Variants in USP39 observed in about 807,000 individuals in gnomAD.
The protein encoded by USP39 is ubiquitin specific peptidase 39.
A neutral mutation model predicts 66.4 loss-of-function variants in USP39; 38 were observed. The observed-to-expected ratio is 0.57, with a 90% CI of 0.44 to 0.75. The LOEUF (loss-of-function observed/expected upper bound fraction) is 0.75, where lower values mean the gene tolerates loss of function less well. Among genes scored for constraint, USP39 ranks in the 30% least tolerant of loss-of-function variants. The pLI is 0.00. For missense variants in USP39, 608 were observed against 714.4 expected (o/e 0.85, Z 1.70); for synonymous variants, 303 against 274.6 (o/e 1.10, Z -1.02).
At chr2:85,616,123 C>T (rs1225940050), upstream of USP39, 4 of 1,388,982 alleles carry the variant, frequency 2.9e-6, no homozygotes, top group African/African-American at 1.5e-5. Flanking sequence ...ACCAGCCCCT[C>T]TCCTGATTGG....
chr2:85,611,820 G>C (rs200797297), upstream of USP39: 138 of 1,607,756 alleles, frequency 8.6e-5, no homozygotes, highest in Non-Finnish European at 1.1e-4. Flanking sequence ...AGGGACTGTC[G>C]GGCCGGGCCA....
At chr2:85,607,732 C>T (rs2104138593), upstream of USP39, 1 of 152,328 alleles carries the variant, frequency 6.6e-6, no homozygotes, top group South Asian at 2.1e-4. Context: ...TCTCAGTTCT[C>T]AAAGGCTTAA....
upstream of USP39, chr2:85,616,166 C>G: frequency 7.2e-7 from 1 of 1,393,868 alleles, no homozygotes; most frequent in Non-Finnish European, 9.4e-7. Flanking sequence ...TGCTTGGCGC[C>G]TGCGCTGGAC....
intron 4 of USP39, 60 bp downstream of exon 4, chr2:85,623,842 C>T (rs945848144): frequency 2.6e-5 from 40 of 1,523,796 alleles, no homozygotes; most frequent in Non-Finnish European, 3.4e-5. Flanking sequence ...CCAGGGCTCC[C>T]AGGGGACTGC....
In USP39 at chr2:85,641,471, A is replaced by G. The variant is rs931514291; in HGVS notation, c.1427+353A>G. On this transcript the variant is annotated intron_variant, in intron 10 of 12. Coordinates refer to ENST00000323701, the MANE Select transcript of USP39 (RefSeq NM_006590.4). ...GGGTCTGCCCATCTATTTGCTGGCC[A>G]TCACACCTTTTTGCACACTAGAGTT... is the stretch of plus-strand genomic sequence containing the variant. Among the ~76,000 whole-genome samples, 35 of 152,344 alleles carry G rather than the reference A, an allele frequency of 2.3e-4. 1 individual carries two copies. The highest frequency in any genetic ancestry group is 2.9e-4 in the Non-Finnish European group (20 of 68,036).
At chr2:85,625,900 C>T (rs889770033) in intron 5 of USP39, among the ~76,000 whole-genome samples, 5 of 151,926 alleles carry the variant, frequency 3.3e-5, no homozygotes, top group Non-Finnish European at 7.4e-5. Context: ...AGCCTGTAGT[C>T]CCAGCTATTT....
rs116803155 is a variant in USP39, at chr2:85,645,100, C to T, written c.1563+17C>T. ...CTTCATCATGTGAGTGGCTGCTGAC[C>T]GTCTCATGGCACAGAGTGGCAAAAA... On this transcript the variant is annotated intron_variant, in intron 11 of 12. Transcript: ENST00000323701. 3.0e-3 allele frequency: 4,853 copies of T among 1,613,824 alleles called. 125 individuals are homozygous for T. The African/African-American group carries it at 0.058, about 19-fold the overall frequency.
upstream of USP39, among the ~76,000 whole-genome samples, chr2:85,614,813 C>G (rs1673801539): frequency 6.6e-6 from 1 of 152,212 alleles, no homozygotes; most frequent in Non-Finnish European, 1.5e-5. Flanking sequence ...CATTATCTCT[C>G]TGTTCCCTTA....
upstream of USP39, chr2:85,609,495 C>G (rs1011715520): frequency 1.2e-6 from 2 of 1,614,074 alleles, no homozygotes; most frequent in Non-Finnish European, 1.7e-6. Context: ...AGCAGAAGAG[C>G]TGATGGCCAG....
rs541495305 is a variant in USP39, at chr2:85,631,790, C to T, written c.949+844C>T. On this transcript the variant is annotated intron_variant, in intron 6 of 12. Coordinates refer to ENST00000323701, the MANE Select transcript of USP39 (RefSeq NM_006590.4). ...TTGAGACCGAGTCTTGCTTCATTGC[C>T]CAGGCTGGAGTGCAGTGGTGTGATC... Among the ~76,000 whole-genome samples the T allele has an allele frequency of 5.9e-5, 9 of 152,040 alleles. No homozygotes were observed. The South Asian group carries it at 1.7e-3, about 28-fold the overall frequency.
chr2:85,626,251 C>T (rs1674851868), intron 5 of USP39, among the ~76,000 whole-genome samples: 1 of 151,716 alleles, frequency 6.6e-6, no homozygotes, highest in South Asian at 2.1e-4. Flanking sequence ...CTCAGCTATT[C>T]GGGAGGCTGA....
At chr2:85,628,564 A>G (rs1397885951) in intron 5 of USP39, among the ~76,000 whole-genome samples, 1 of 152,188 alleles carries the variant, frequency 6.6e-6, no homozygotes, top group East Asian at 1.9e-4. Context: ...TAAATGGATT[A>G]ACAAACCCTG....
At chr2:85,624,343 C>T (rs1021583601) in intron 4 of USP39, among the ~76,000 whole-genome samples, 1 of 151,582 alleles carries the variant, frequency 6.6e-6, no homozygotes, top group African/African-American at 2.4e-5. Context: ...GTGCTCTGTT[C>T]TTGTTTTTGG....
chr2:85,627,126 G>A (rs1674931812), intron 5 of USP39, among the ~76,000 whole-genome samples: 1 of 149,266 alleles, frequency 6.7e-6, no homozygotes, highest in South Asian at 2.1e-4. Context: ...TTTTTTAGAG[G>A]GAGTCTGTCA....
At position 85,648,751 on chromosome 2, in the gene USP39, T is replaced by C; in HGVS notation, c.1651-10T>C. On this transcript the variant is annotated splice_polypyrimidine_tract_variant and intron_variant, in intron 12 of 12. Coordinates refer to ENST00000323701, the MANE Select transcript of USP39 (RefSeq NM_006590.4). ...TCCTAGACTTCAGTTTGTGTTTTCATTTCTTACAGATTTGGAAGAGGCGAG... is the reference window on the plus strand; with the variant it reads ...TCCTAGACTTCAGTTTGTGTTTTCACTTCTTACAGATTTGGAAGAGGCGAG... 2 of 1,614,058 alleles carry C rather than the reference T, an allele frequency of 1.2e-6. No individual in the cohort carries two copies. Among genetic ancestry groups the C allele is most frequent in the Non-Finnish European group, 1.7e-6 (2 of 1,179,916 alleles).
At chr2:85,617,709 C>T (rs1323254589) in intron 1 of USP39, among the ~76,000 whole-genome samples, 2 of 152,176 alleles carry the variant, frequency 1.3e-5, no homozygotes, top group Non-Finnish European at 2.9e-5. Context: ...TAAGGCAGCT[C>T]ACTGTGTGCA....
At chr2:85,627,036 C>A (rs1025737958) in intron 5 of USP39, among the ~76,000 whole-genome samples, 2 of 151,650 alleles carry the variant, frequency 1.3e-5, no homozygotes, top group African/African-American at 4.8e-5. Flanking sequence ...CATGAGCCAC[C>A]GTGCCCATCC....
At chr2:85,642,918 T>A (rs1676350288) in intron 10 of USP39, among the ~76,000 whole-genome samples, 1 of 152,022 alleles carries the variant, frequency 6.6e-6, no homozygotes, top group Non-Finnish European at 1.5e-5. Flanking sequence ...ACTGGTCTGT[T>A]GCTGTGGTTG....
At chr2:85,607,576 T>C (rs957906170), upstream of USP39, 2 of 152,226 alleles carry the variant, frequency 1.3e-5, no homozygotes, top group Non-Finnish European at 2.9e-5. Context: ...GAGCTGTGAC[T>C]TGACACATTT....
Sources: allele counts gnomAD v4.1 joint callset (sites outside exome capture counted in the v4.1 genomes callset), GRCh38; gene constraint gnomAD v4.1.1; transcripts MANE v1.5; gene names NCBI Gene and HGNC (gene_info 2026-07-23, HGNC 2026-07-21).